The following NUGGC variants were observed in gnomAD, a reference collection of about 807,000 sequenced individuals.
NUGGC encodes nuclear GTPase SLIP-GC.
A neutral mutation model predicts 92.6 loss-of-function variants in NUGGC; 58 were observed. The observed-to-expected ratio is 0.63, with a 90% CI of 0.51 to 0.78. The LOEUF is 0.78. NUGGC is among the 30% of genes least tolerant of loss of function. The pLI, the probability that NUGGC is intolerant of heterozygous loss-of-function variation, is 0.00. For missense variants in NUGGC, 925 were observed against 964.6 expected, an observed-to-expected ratio of 0.96 and a Z score of 0.54; for synonymous variants, 376 against 366.4, an observed-to-expected ratio of 1.03 and a Z score of -0.30.
intron 3 of NUGGC, 133 bp downstream of exon 3, chr8:28,070,119 G>T (rs1057459737): frequency 6.9e-7 from 1 of 1,441,426 alleles, no homozygotes; most frequent in Admixed American, 2.8e-5. Flanking sequence ...GAGACTTTGA[G>T]CCCTCTCTTT....
At chr8:28,041,963 G>C (rs762841429) in intron 12 of NUGGC, among the ~76,000 whole-genome samples, 1 of 152,120 alleles carries the variant, frequency 6.6e-6, no homozygotes, top group East Asian at 1.9e-4. Context: ...CGTGTTGTGG[G>C]GGGGACCTGG....
At chr8:28,078,918 G>T (rs958360094) in intron 1 of NUGGC, among the ~76,000 whole-genome samples, 29 of 152,318 alleles carry the variant, frequency 1.9e-4, no homozygotes, top group Admixed American at 5.2e-4. Flanking sequence ...GATAAGCAAG[G>T]TTCTGCCTGT....
At chr8:28,070,878 G>A (rs998113748) in intron 2 of NUGGC, among the ~76,000 whole-genome samples, 1 of 151,466 alleles carries the variant, frequency 6.6e-6, no homozygotes, top group Admixed American at 6.6e-5. Flanking sequence ...TGTAGTCCTA[G>A]CTACTCAGGA....
At chr8:28,068,131 AAAG>A (rs1434722424) in intron 5 of NUGGC, 82 bp downstream of exon 5, 2 of 763,372 alleles carry the variant, frequency 2.6e-6, no homozygotes, top group Non-Finnish European at 4.4e-6. Flanking sequence ...AGGAAGGAAG[AAAG>A]AAAGGAAGGA....
chr8:28,048,682 T>G (rs187080858), intron 10 of NUGGC, among the ~76,000 whole-genome samples: 341 of 151,938 alleles, frequency 2.2e-3, no homozygotes, highest in African/African-American at 7.8e-3. Context: ...GCCAATATGG[T>G]GAAACCCCAT....
At chr8:28,063,189 G>A (rs1810349911) in intron 7 of NUGGC, among the ~76,000 whole-genome samples, 1 of 152,198 alleles carries the variant, frequency 6.6e-6, no homozygotes, top group Non-Finnish European at 1.5e-5. Context: ...GTAACTTCTT[G>A]TGAGAGGAGG....
At chr8:28,063,158 C>G (rs1810349079) in intron 7 of NUGGC, among the ~76,000 whole-genome samples, 1 of 152,178 alleles carries the variant, frequency 6.6e-6, no homozygotes, top group South Asian at 2.1e-4. Flanking sequence ...GTGTCGTTCT[C>G]CCTGCAGAGG....
intron 14 of NUGGC, among the ~76,000 whole-genome samples, chr8:28,032,572 G>A (rs1033955908): frequency 6.6e-6 from 1 of 152,000 alleles, no homozygotes; most frequent in Non-Finnish European, 1.5e-5. Context: ...CAAAAAATTA[G>A]CCAGGCATGG....
rs761829847 is a variant in NUGGC, at chr8:28,029,316, T to C, written c.2104A>G (p.Met702Val). ...ATCCTTTCCTGGGCCCTTTCAAACA[T>C]GCCCTCAGCCACCTGCCGGTCCACT... ...RGVDRQVAEG[M>V]FERAQERMQH... is the part of the protein sequence containing the mutation. The change falls in exon 17 of 19, where the codon ATG becomes GTG. Residue 702 changes from methionine (M) to valine (V), a missense_variant. Coordinates refer to ENST00000413272, the MANE Select transcript of NUGGC (RefSeq NM_001010906.2). 7 of 1,608,790 alleles carry C rather than the reference T, an allele frequency of 4.4e-6. No individual in the cohort carries two copies. The highest frequency in any genetic ancestry group is 5.9e-6 in the Non-Finnish European group (7 of 1,177,624).
chr8:28,064,930 T>TA (rs1230609405), intron 6 of NUGGC, among the ~76,000 whole-genome samples, 199 bp from the exon 7 acceptor site: 2 of 152,208 alleles, frequency 1.3e-5, no homozygotes, highest in African/African-American at 2.4e-5. Flanking sequence ...TCAAGATCCT[T>TA]ACCTTACAGA....
chr8:28,076,526 G>A (rs1256995611), intron 1 of NUGGC, among the ~76,000 whole-genome samples: 1 of 152,152 alleles, frequency 6.6e-6, no homozygotes, highest in Non-Finnish European at 1.5e-5. Flanking sequence ...TGAACTCCTG[G>A]ACTCAAGTGA....
intron 16 of NUGGC, 21 bp from the exon 17 acceptor site, chr8:28,029,423 A>C: frequency 1.2e-6 from 2 of 1,610,562 alleles, no homozygotes; most frequent in South Asian, 2.2e-5. Context: ...TGATAGCCAC[A>C]GTCACACCAA....
At chr8:28,031,486 G>T in intron 14 of NUGGC, 105 bp from the exon 15 acceptor site, 1 of 1,105,854 alleles carries the variant, frequency 9.0e-7, no homozygotes, top group Non-Finnish European at 1.3e-6. Context: ...AGAGAAGGAA[G>T]ATGAAATCTA....
intron 10 of NUGGC, among the ~76,000 whole-genome samples, chr8:28,050,016 A>T (rs1185589810): frequency 6.6e-6 from 1 of 150,898 alleles, no homozygotes; most frequent in African/African-American, 2.4e-5. Context: ...GAGCCTGGGA[A>T]GCAGAGGCTG....
At chr8:28,065,150 A>ATTTTTTT (rs1563228601) in intron 6 of NUGGC, among the ~76,000 whole-genome samples, 1 of 132,214 alleles carries the variant, frequency 7.6e-6, no homozygotes, top group African/African-American at 2.8e-5. Context: ...CTGAAATTGG[A>ATTTTTTT]TCTTTTTTTT....
intron 10 of NUGGC, among the ~76,000 whole-genome samples, chr8:28,052,488 G>A (rs1810031823): frequency 6.6e-6 from 1 of 152,154 alleles, no homozygotes; most frequent in African/African-American, 2.4e-5. Flanking sequence ...TTTAAAAAAA[G>A]GGGAAATTTG....
rs1279527059 is a variant in NUGGC, at chr8:28,041,138, C to T, written c.1524G>A (p.Gln508=). The T allele has an allele frequency of 6.2e-7, 1 of 1,610,340 alleles. No homozygotes were observed. The highest frequency in any genetic ancestry group is 8.5e-7 in the Non-Finnish European group (1 of 1,178,574). Residue 508 remains glutamine, a synonymous_variant, in exon 13 of 19, where the codon CAG becomes CAA. Transcript: ENST00000413272. ...GAGGCTGCTCCATGCAGGCGAAGCA[C>T]TGTGCGATGGCCTTCTCCAGCAGCT... ...KVELLEKAIA[Q]CFACMEQPLQ...
chr8:28,082,697 G>T (rs10081617), intron 1 of NUGGC, among the ~76,000 whole-genome samples: 7,339 of 152,222 alleles, frequency 0.048, 634 homozygotes, highest in African/African-American at 0.17. Context: ...TTGGGCCCAG[G>T]AGCTTGAGAC....
Position 28,045,562 on chromosome 8 carries a change from G to A in NUGGC, c.1411C>T (p.Leu471Phe), listed in dbSNP as rs974711702. Residue 471 changes from leucine to phenylalanine, a missense_variant, in exon 12 of 19, where the codon CTC (leucine) becomes TTC (phenylalanine). Coordinates refer to ENST00000413272, the MANE Select transcript of NUGGC (RefSeq NM_001010906.2). ...YVTEAFGLLL[L>F]TDSFNSTQNL... ...TGCGTGGAGTTGAAACTATCTGTGA[G>A]GAGCAACAGGCCAAAGGCTTCAGTC... 2.8e-5 allele frequency: 45 copies of A among 1,612,648 alleles called. 1 individual carries two copies. In the Admixed American group the frequency reaches 4.0e-4, roughly 14 times the overall value.
Sources: allele counts gnomAD v4.1 joint callset (sites outside exome capture counted in the v4.1 genomes callset), GRCh38; gene constraint gnomAD v4.1.1; transcripts MANE v1.5; gene names NCBI Gene and HGNC (gene_info 2026-07-23, HGNC 2026-07-21).